The following RERE variants were observed in gnomAD, a reference collection of about 807,000 sequenced individuals.
The protein encoded by RERE is arginine-glutamic acid dipeptide repeats protein.
In RERE, 40 loss-of-function variants were observed where a neutral mutation model predicts 146.1. The ratio of observed to expected loss-of-function variants is 0.27; its 90% CI spans 0.21 to 0.36. RERE has a LOEUF of 0.36. RERE is among the 10% of genes least tolerant of loss of function. RERE has a pLI of 1.00. For missense variants in RERE, 1,933 were observed against 2,138.7 expected (o/e 0.90, Z 1.90); for synonymous variants, 1,003 against 866.0 (o/e 1.16, Z -2.78).
intron 1 of RERE, among the ~76,000 whole-genome samples, chr1:8,795,193 T>C (rs1641444375): frequency 6.6e-6 from 1 of 151,768 alleles, no homozygotes; most frequent in African/African-American, 2.4e-5. Context: ...GCCAGGGTAA[T>C]TTTTGTATTT....
chr1:8,355,187 G>T, intron 22 of RERE, 67 bp from the exon 23 acceptor site: 2 of 1,533,574 alleles, frequency 1.3e-6, no homozygotes, highest in Non-Finnish European at 1.8e-6. Flanking sequence ...CAGGCTGGAG[G>T]CAACCCCAAA....
At chr1:8,803,397 G>A (rs1009485585) in intron 1 of RERE, among the ~76,000 whole-genome samples, 1 of 152,104 alleles carries the variant, frequency 6.6e-6, no homozygotes, top group Non-Finnish European at 1.5e-5. Flanking sequence ...TTGAACCCGG[G>A]AGGTGAAGGT....
intron 1 of RERE, chr1:8,806,053 T>C (rs1641687170): frequency 6.6e-6 from 1 of 151,876 alleles, no homozygotes; most frequent in Non-Finnish European, 1.5e-5. Context: ...GGTTTCACCA[T>C]GTTGGCCAGG....
intron 12 of RERE, among the ~76,000 whole-genome samples, chr1:8,372,265 AGAAGCTGACATG>A (rs2124390808): frequency 6.6e-6 from 1 of 152,294 alleles, no homozygotes; most frequent in East Asian, 1.9e-4. Flanking sequence ...GGATCCTCTG[AGAAGCTGACATG>A]GAGGCAGGAG....
At chr1:8,543,823 C>G (rs1312174603) in intron 6 of RERE, among the ~76,000 whole-genome samples, 1 of 152,154 alleles carries the variant, frequency 6.6e-6, no homozygotes, top group Admixed American at 6.5e-5. Context: ...GGAATAGAAG[C>G]ATTTCATCTG....
chr1:8,496,565 C>A lies in RERE; in HGVS notation c.1004+840G>T, dbSNP rs377123391. ...CCCATCCAGGGTTAAAATTCAGATG[C>A]CCTAATCCTTGCTTTCATGTTTTTG... On this transcript the variant is annotated intron_variant, in intron 9 of 22. Transcript: ENST00000400908. Among the ~76,000 whole-genome samples, 212 of 152,186 alleles carry A rather than the reference C, an allele frequency of 1.4e-3. 1 individual carries two copies. Among genetic ancestry groups the A allele is most frequent in the African/African-American group, 4.9e-3 (204 of 41,526 alleles).
At chr1:8,543,331 G>A (rs184022646) in intron 6 of RERE, among the ~76,000 whole-genome samples, 98 of 152,210 alleles carry the variant, frequency 6.4e-4, no homozygotes, top group Non-Finnish European at 2.5e-4. Flanking sequence ...TTTAATCCCC[G>A]AAAGCCAGAA....
intron 1 of RERE, among the ~76,000 whole-genome samples, chr1:8,750,180 T>C (rs1237595780): frequency 1.4e-5 from 2 of 145,912 alleles, no homozygotes; most frequent in South Asian, 2.2e-4. Flanking sequence ...GAATGGATTA[T>C]AGAGTGATGA....
intron 1 of RERE, among the ~76,000 whole-genome samples, chr1:8,801,056 C>T (rs923291443): frequency 5.9e-5 from 9 of 152,052 alleles, no homozygotes; most frequent in Non-Finnish European, 7.4e-5. Context: ...TCCAGGAGTT[C>T]GAGACCAGCC....
chr1:8,508,757 C>T, intron 7 of RERE, 82 bp from the exon 8 acceptor site: 2 of 1,134,548 alleles, frequency 1.8e-6, no homozygotes, highest in African/African-American at 1.6e-5. Context: ...AAAAGTAATT[C>T]TCTTCAAATA....
intron 2 of RERE, among the ~76,000 whole-genome samples, chr1:8,645,707 T>G (rs1647273885): frequency 6.6e-6 from 1 of 152,214 alleles, no homozygotes; most frequent in Admixed American, 6.5e-5. Flanking sequence ...TTAATGATCC[T>G]TTCCCTATAA....
chr1:8,549,052 A>T (rs6697997), intron 6 of RERE, among the ~76,000 whole-genome samples: 14 of 152,082 alleles, frequency 9.2e-5, no homozygotes, highest in Admixed American at 7.9e-4. Flanking sequence ...ACAAGTCTGG[A>T]GTTAGGGGAA....
intron 2 of RERE, among the ~76,000 whole-genome samples, chr1:8,655,413 G>C (rs2124331072): frequency 6.6e-6 from 1 of 152,042 alleles, no homozygotes; most frequent in South Asian, 2.1e-4. Flanking sequence ...CATCATGTTG[G>C]TCAGGCTGGT....
chr1:8,482,464 G>A (rs931907739), intron 10 of RERE, among the ~76,000 whole-genome samples: 4 of 151,904 alleles, frequency 2.6e-5, no homozygotes, highest in Non-Finnish European at 5.9e-5. Context: ...GGTGGATCAC[G>A]AGGTTAGGAG....
At chr1:8,693,567 G>C (rs1011992029) in intron 1 of RERE, among the ~76,000 whole-genome samples, 26 of 152,160 alleles carry the variant, frequency 1.7e-4, no homozygotes, top group African/African-American at 6.3e-4. Flanking sequence ...AAAAAGATCA[G>C]TGGTGGCCAG....
At chr1:8,457,288 A>G (rs750311905) in intron 11 of RERE, among the ~76,000 whole-genome samples, 4 of 152,206 alleles carry the variant, frequency 2.6e-5, no homozygotes, top group Admixed American at 1.3e-4. Flanking sequence ...AATATCAGGC[A>G]CTGTCTTTCT....
chr1:8,698,136 A>G (rs999077297), intron 1 of RERE, among the ~76,000 whole-genome samples: 1 of 152,236 alleles, frequency 6.6e-6, no homozygotes, highest in Non-Finnish European at 1.5e-5. Context: ...AGTAAAACAA[A>G]AACATCTTTG....
At chr1:8,515,294 T>A (rs1256332946) in intron 7 of RERE, among the ~76,000 whole-genome samples, 1 of 150,276 alleles carries the variant, frequency 6.7e-6, no homozygotes, top group Admixed American at 6.6e-5. Context: ...CTCTGGAGTT[T>A]GAGGCTGCAG....
At chr1:8,791,352 G>T in intron 1 of RERE, among the ~76,000 whole-genome samples, 1 of 152,100 alleles carries the variant, frequency 6.6e-6, no homozygotes, top group Non-Finnish European at 1.5e-5. Flanking sequence ...ATTTTAGTGG[G>T]GTTTTTTTCA....
Sources: gnomAD v4.1 joint callset for allele counts (sites outside exome capture counted in the v4.1 genomes callset) on GRCh38, gnomAD v4.1.1 for gene constraint, MANE v1.5 for transcripts, NCBI Gene and HGNC (gene_info 2026-07-23, HGNC 2026-07-21) for gene names.